Variants in SLC44A1 observed in about 807,000 individuals in gnomAD.
The protein encoded by SLC44A1 is choline transporter-like protein 1.
Under a neutral mutation model 79.3 loss-of-function variants are expected in SLC44A1, and 26 were observed. The ratio of observed to expected loss-of-function variants is 0.33; its 90% CI spans 0.24 to 0.46. SLC44A1 has a LOEUF of 0.46. Ranked by LOEUF, SLC44A1 falls within the 20% of genes least tolerant of loss-of-function variation. SLC44A1 has a pLI of 1.00. For missense variants in SLC44A1, 688 were observed against 798.1 expected (o/e 0.86, Z 1.66); for synonymous variants, 263 against 286.2 (o/e 0.92, Z 0.82).
chr9:105,290,669 A>G (rs1830582779), intron 1 of SLC44A1, among the ~76,000 whole-genome samples: 1 of 152,222 alleles, frequency 6.6e-6, no homozygotes, highest in Admixed American at 6.5e-5. Context: ...CAGGCCCACA[A>G]TTATTTTTTA....
intron 15 of SLC44A1, among the ~76,000 whole-genome samples, chr9:105,407,183 AAGAG>A (rs1243647721): frequency 6.6e-6 from 1 of 152,166 alleles, no homozygotes; most frequent in African/African-American, 2.4e-5. Context: ...CCAGAAAGAG[AAGAG>A]AGAAAGAAAG....
In SLC44A1 at chr9:105,268,930, C is replaced by T. The variant is rs1384485628; in HGVS notation, c.36+24026C>T. On this transcript the variant is annotated intron_variant, in intron 1 of 15. Coordinates refer to ENST00000374720, the MANE Select transcript of SLC44A1 (RefSeq NM_080546.5). Reference sequence around the variant, plus strand: ...AACAACTTCACTTACGTTACCTTGCCGTTCACCAAAAGCTCTTAAGAAAGC... The same window carrying T: ...AACAACTTCACTTACGTTACCTTGCTGTTCACCAAAAGCTCTTAAGAAAGC... Among the ~76,000 whole-genome samples, 6 of 152,152 alleles carry T rather than the reference C, an allele frequency of 3.9e-5. No homozygotes were observed. The East Asian group carries it at 9.6e-4, about 24-fold the overall frequency.
intron 2 of SLC44A1, among the ~76,000 whole-genome samples, chr9:105,308,357 C>G (rs919918935): frequency 6.6e-6 from 1 of 152,184 alleles, no homozygotes; most frequent in Non-Finnish European, 1.5e-5. Flanking sequence ...TCACAACAGC[C>G]TGATGAGCTA....
At chr9:105,422,241 T>G (rs564372242) in intron 15 of SLC44A1, among the ~76,000 whole-genome samples, 1 of 150,798 alleles carries the variant, frequency 6.6e-6, no homozygotes, top group African/African-American at 2.4e-5. Context: ...GATCTCATGA[T>G]GCAGGACTCC....
chr9:105,379,048 G>A (rs1325364657), intron 13 of SLC44A1, among the ~76,000 whole-genome samples: 1 of 152,224 alleles, frequency 6.6e-6, no homozygotes, highest in Non-Finnish European at 1.5e-5. Flanking sequence ...GCCAAGGAGG[G>A]TGGATCGCTT....
chr9:105,436,752 A>G (rs1455029977), intron 15 of SLC44A1, among the ~76,000 whole-genome samples: 1 of 152,198 alleles, frequency 6.6e-6, no homozygotes, highest in Non-Finnish European at 1.5e-5. Context: ...GTTGGGAAAA[A>G]TCTGAGGCCG....
intron 1 of SLC44A1, among the ~76,000 whole-genome samples, chr9:105,245,647 C>T (rs952883967): frequency 2.0e-5 from 3 of 152,210 alleles, no homozygotes; most frequent in African/African-American, 7.2e-5. Context: ...TACGGAAACT[C>T]CCTCTTTGTT....
chr9:105,246,410 G>T (rs1232242827), intron 1 of SLC44A1, among the ~76,000 whole-genome samples: 2 of 145,288 alleles, frequency 1.4e-5, no homozygotes, highest in Non-Finnish European at 3.0e-5. Context: ...TTACCCGTTA[G>T]CTTTTTTTTT....
intron 4 of SLC44A1, among the ~76,000 whole-genome samples, chr9:105,338,510 G>T (rs918330086): frequency 1.6e-4 from 24 of 152,122 alleles, no homozygotes; most frequent in African/African-American, 5.6e-4. Context: ...GTACTTCTGG[G>T]CTCAAGTGGT....
chr9:105,400,873 C>T (rs1828949735), downstream of SLC44A1, among the ~76,000 whole-genome samples: 1 of 152,192 alleles, frequency 6.6e-6, no homozygotes, highest in East Asian at 1.9e-4. Context: ...TTTATAGAAA[C>T]TACTCTTTTC....
Position 105,358,453 on chromosome 9 carries a change from G to A in SLC44A1, c.760+20G>A, listed in dbSNP as rs377517567. The A allele has an allele frequency of 1.5e-6, 2 of 1,302,032 alleles. No individual in the cohort carries two copies. The highest frequency in any genetic ancestry group is 1.7e-5 in the Admixed American group (1 of 58,584). 80.7% of individuals were successfully genotyped at this position (1,302,032 alleles called of 1,614,324 possible). A position where few individuals can be genotyped will look rare whatever the true frequency, so the allele number is the denominator to read the frequency against. On this transcript the variant is annotated intron_variant, in intron 7 of 15. Transcript: ENST00000374720. ...CACTTGGTAAGCTATTTATTTCTTT[G>A]TTTTCTACCTCAGCCTCTTAACTAC...
At chr9:105,413,431 C>T (rs1450242362) in intron 15 of SLC44A1, among the ~76,000 whole-genome samples, 2 of 152,194 alleles carry the variant, frequency 1.3e-5, no homozygotes, top group East Asian at 1.9e-4. Flanking sequence ...CTGGTTTTCC[C>T]CTTCTCTGGC....
At chr9:105,265,277 A>C (rs573447037) in intron 1 of SLC44A1, among the ~76,000 whole-genome samples, 1 of 152,184 alleles carries the variant, frequency 6.6e-6, no homozygotes, top group South Asian at 2.1e-4. Flanking sequence ...CACTTCCAAA[A>C]ATTCCCTTGA....
chr9:105,372,655 A>C (rs1828141377), intron 12 of SLC44A1, among the ~76,000 whole-genome samples: 1 of 151,702 alleles, frequency 6.6e-6, no homozygotes, highest in Admixed American at 6.6e-5. Flanking sequence ...AAAAAAGCTT[A>C]AGAACCACAG....
At chr9:105,313,070 G>T (rs1831224574) in intron 3 of SLC44A1, among the ~76,000 whole-genome samples, 1 of 152,110 alleles carries the variant, frequency 6.6e-6, no homozygotes, top group Non-Finnish European at 1.5e-5. Context: ...TATTGTCTGG[G>T]ACATTCAATT....
At chr9:105,363,541 T>C (rs1433720161) in intron 9 of SLC44A1, among the ~76,000 whole-genome samples, 2 of 151,568 alleles carry the variant, frequency 1.3e-5, no homozygotes, top group African/African-American at 4.9e-5. Context: ...CTCAGCTCAC[T>C]GCAACCTCAG....
At chr9:105,247,691 C>T (rs1405197203) in intron 1 of SLC44A1, among the ~76,000 whole-genome samples, 1 of 152,112 alleles carries the variant, frequency 6.6e-6, no homozygotes, top group Non-Finnish European at 1.5e-5. Context: ...TTTTGTTTTC[C>T]TTATTTGTGT....
rs143965953 is a variant in SLC44A1, at chr9:105,269,944, G to A, written c.36+25040G>A. 1.4e-3 allele frequency among the ~76,000 whole-genome samples: 220 copies of A among 152,252 alleles called. 1 individual carries two copies. The highest frequency in any genetic ancestry group is 5.0e-3 in the African/African-American group (208 of 41,524). ...ACTCAGTAAATGTTTCAGTAAGCTT[G>A]TTTATTTGAAACAGTTTACTCACCT... is the stretch of plus-strand genomic sequence containing the variant. On this transcript the variant is annotated intron_variant, in intron 1 of 15. Transcript: ENST00000374720.
chr9:105,349,780 TA>T (rs2131383079), intron 5 of SLC44A1, among the ~76,000 whole-genome samples: 1 of 152,266 alleles, frequency 6.6e-6, no homozygotes, highest in South Asian at 2.1e-4. Context: ...CTCTCAAGAT[TA>T]AAACATATTA....
Sources: gnomAD v4.1 joint callset for allele counts (sites outside exome capture counted in the v4.1 genomes callset) on GRCh38, gnomAD v4.1.1 for gene constraint, MANE v1.5 for transcripts, NCBI Gene and HGNC (gene_info 2026-07-23, HGNC 2026-07-21) for gene names.